TRIM67: variants seen among roughly 807,000 people sequenced by gnomAD.
TRIM67 encodes tripartite motif containing 67, also known as tripartite motif-containing protein 67.
In TRIM67, 39 loss-of-function variants were observed where a neutral mutation model predicts 71.0. The observed-to-expected ratio is 0.55, with a 90% CI of 0.43 to 0.72. TRIM67 has a LOEUF of 0.72. Ranked by LOEUF, TRIM67 falls within the 30% of genes least tolerant of loss-of-function variation. The pLI is 0.00. For synonymous variants in TRIM67, 481 were observed against 473.9 expected, an observed-to-expected ratio of 1.01 and a Z score of -0.19; for missense variants, 973 against 1,079.2, an observed-to-expected ratio of 0.90 and a Z score of 1.38.
At chr1:231,181,834 C>A (rs1044371450) in intron 1 of TRIM67, among the ~76,000 whole-genome samples, 2 of 152,124 alleles carry the variant, frequency 1.3e-5, no homozygotes, top group Non-Finnish European at 2.9e-5. Context: ...CTTTGAACTT[C>A]TTTTCTCTAT....
chr1:231,196,071 T>C (rs1183198369), intron 1 of TRIM67, among the ~76,000 whole-genome samples: 1 of 152,136 alleles, frequency 6.6e-6, no homozygotes, highest in Non-Finnish European at 1.5e-5. Flanking sequence ...TTCTAGGACA[T>C]GGAGATGGAC....
chr1:231,221,144 G>T lies in TRIM67; in HGVS notation c.*5704G>T, dbSNP rs1199298081. ...AGCTGTTGTATTAAGCATGAGAGGT[G>T]TTTGTTTAACGTTGGCAAAGGGATT... On this transcript the variant is annotated 3_prime_UTR_variant, in exon 10 of 10. Transcript: ENST00000366653. 23 of 152,346 alleles carry T rather than the reference G, an allele frequency of 1.5e-4. No homozygotes were observed. Among genetic ancestry groups the T allele is most frequent in the Non-Finnish European group, 1.8e-4 (12 of 68,032 alleles). 9.4% of individuals were successfully genotyped at this position (152,346 alleles called of 1,614,324 possible).
chr1:231,191,733 G>T (rs1683235081), intron 1 of TRIM67, among the ~76,000 whole-genome samples: 1 of 152,188 alleles, frequency 6.6e-6, no homozygotes, highest in South Asian at 2.1e-4. Flanking sequence ...ACCATATGGG[G>T]CTCCATGCCC....
At chr1:231,179,081 G>T (rs1558293585) in intron 1 of TRIM67, among the ~76,000 whole-genome samples, 1 of 152,222 alleles carries the variant, frequency 6.6e-6, no homozygotes. Context: ...ATTACCACAA[G>T]CTGGGTAGCT....
rs1682320089 is a variant in TRIM67, at chr1:231,162,677, AC to A, written c.-291del. ...CATCACCTAAAGCTCCTCGCAGGCC[AC>A]CGCGAGGGCAGCCGACCGGCTCCGG... On this transcript the variant is annotated 5_prime_UTR_variant, in exon 1 of 10. Coordinates refer to ENST00000366653, the MANE Select transcript of TRIM67 (RefSeq NM_001004342.5). 1 of 405,780 alleles carries A rather than the reference AC, an allele frequency of 2.5e-6. No homozygotes were observed. Among genetic ancestry groups the A allele is most frequent in the Non-Finnish European group, 4.4e-6 (1 of 226,080 alleles). 25.1% of individuals were successfully genotyped at this position (405,780 alleles called of 1,614,324 possible). A position where few individuals can be genotyped will look rare whatever the true frequency, so the allele number is the denominator to read the frequency against.
intron 1 of TRIM67, among the ~76,000 whole-genome samples, chr1:231,176,454 G>A (rs1017931775): frequency 5.9e-5 from 9 of 152,182 alleles, no homozygotes; most frequent in Non-Finnish European, 1.3e-4. Flanking sequence ...CTGGGGTCAC[G>A]GATGGTGAGT....
At chr1:231,165,402 T>G (rs927352229) in intron 1 of TRIM67, among the ~76,000 whole-genome samples, 2 of 152,212 alleles carry the variant, frequency 1.3e-5, no homozygotes, top group Non-Finnish European at 2.9e-5. Context: ...TTAAGTATAA[T>G]ACTGTATGTT....
intron 1 of TRIM67, among the ~76,000 whole-genome samples, chr1:231,170,096 C>T (rs1167068330): frequency 1.3e-5 from 2 of 151,404 alleles, no homozygotes; most frequent in Non-Finnish European, 2.9e-5. Context: ...AAGAGATTCT[C>T]CTGCTTCAGC....
chr1:231,212,929 T>C (rs1012270368), intron 8 of TRIM67, among the ~76,000 whole-genome samples: 1 of 152,152 alleles, frequency 6.6e-6, no homozygotes, highest in Non-Finnish European at 1.5e-5. Context: ...CGTTCCGCTA[T>C]TGGTCACCTG....
chr1:231,208,341 T>C (rs1363620394), intron 7 of TRIM67, among the ~76,000 whole-genome samples: 1 of 151,908 alleles, frequency 6.6e-6, no homozygotes, highest in Non-Finnish European at 1.5e-5. Flanking sequence ...GCCCGGCTAA[T>C]TTTTTTGTAT....
chr1:231,168,919 T>C (rs1425070237), intron 1 of TRIM67, among the ~76,000 whole-genome samples: 3 of 152,236 alleles, frequency 2.0e-5, no homozygotes, highest in Non-Finnish European at 2.9e-5. Context: ...TACAACTCTA[T>C]GGCTGATGAT....
chr1:231,217,702 C>G lies in TRIM67; in HGVS notation c.*2262C>G. On this transcript the variant is annotated 3_prime_UTR_variant, in exon 10 of 10. Coordinates refer to ENST00000366653, the MANE Select transcript of TRIM67 (RefSeq NM_001004342.5). ...CTGGGGAAGGCTGTGGAGCCTCCAC[C>G]ATCACCACAGCCCAGGTCACCAGGT... 8.3e-7 allele frequency: 1 copy of G among 1,207,098 alleles called. No individual in the cohort carries two copies. Among genetic ancestry groups the G allele is most frequent in the African/African-American group, 1.6e-5 (1 of 63,672 alleles). 74.8% of individuals were successfully genotyped at this position (1,207,098 alleles called of 1,614,324 possible). A position where few individuals can be genotyped will look rare whatever the true frequency, so the allele number is the denominator to read the frequency against.
At position 231,210,831 on chromosome 1, in the gene TRIM67, G is replaced by A. The variant is rs1337383181; in HGVS notation, c.2123+1581G>A. On this transcript the variant is annotated intron_variant, in intron 8 of 9. Transcript: ENST00000366653. ...GAGGCAGAAGGATTGCTTGAGCCCA[G>A]GTGTTTGAGACCAGCCTGGGCAACT... 2.0e-5 allele frequency among the ~76,000 whole-genome samples: 3 copies of A among 151,760 alleles called. 1 individual carries two copies. Among genetic ancestry groups the A allele is most frequent in the African/African-American group, 7.3e-5 (3 of 41,308 alleles).
intron 2 of TRIM67, among the ~76,000 whole-genome samples, chr1:231,198,155 A>G (rs960162972): frequency 6.6e-6 from 1 of 152,220 alleles, no homozygotes; most frequent in African/African-American, 2.4e-5. Context: ...TCATCAATGC[A>G]TCAAAATATA....
rs1684131680 is a variant in TRIM67, at chr1:231,221,260, C to T, written c.*5820C>T. Reference sequence around the variant, plus strand: ...TTCTTTATCCCCATTTCTCCTCCCTCCCCTTCCCCCATCACATCCACTTTC... The same window carrying T: ...TTCTTTATCCCCATTTCTCCTCCCTTCCCTTCCCCCATCACATCCACTTTC... On this transcript the variant is annotated 3_prime_UTR_variant, in exon 10 of 10. Coordinates refer to ENST00000366653, the MANE Select transcript of TRIM67 (RefSeq NM_001004342.5). 6.6e-6 allele frequency: 1 copy of T among 152,622 alleles called. No individual in the cohort carries two copies. Among genetic ancestry groups the T allele is most frequent in the South Asian group, 2.1e-4 (1 of 4,832 alleles). 9.5% of individuals were successfully genotyped at this position (152,622 alleles called of 1,614,324 possible).
At chr1:231,199,000 C>G (rs1309688862) in intron 2 of TRIM67, 47 bp from the exon 3 acceptor site, 1 of 1,612,830 alleles carries the variant, frequency 6.2e-7, no homozygotes, top group Admixed American at 1.7e-5. Flanking sequence ...AGCATCTTCC[C>G]CCTAAAACTC....
intron 1 of TRIM67, among the ~76,000 whole-genome samples, chr1:231,168,016 C>A (rs746118970): frequency 2.7e-4 from 41 of 151,716 alleles, no homozygotes; most frequent in Admixed American, 3.3e-4. Flanking sequence ...GACTGGAGTG[C>A]AGTGCTGCCA....
Position 231,216,602 on chromosome 1 carries a change from C to T in TRIM67, c.*1162C>T, listed in dbSNP as rs981318571. On this transcript the variant is annotated 3_prime_UTR_variant, in exon 10 of 10. Coordinates refer to ENST00000366653, the MANE Select transcript of TRIM67 (RefSeq NM_001004342.5). ...AAGTGGCCCCTGTGGCAGGCCGGGA[C>T]GGCTCTGCCCTGATGCAGTGGGCGG... 14 of 985,430 alleles carry T rather than the reference C, an allele frequency of 1.4e-5. No homozygotes were observed. The highest frequency in any genetic ancestry group is 9.4e-5 in the South Asian group (2 of 21,296). 61.0% of individuals were successfully genotyped at this position (985,430 alleles called of 1,614,324 possible). A position where few individuals can be genotyped will look rare whatever the true frequency, so the allele number is the denominator to read the frequency against.
At position 231,162,371 on chromosome 1, in the gene TRIM67, G is replaced by A. The variant is rs1682309381; in HGVS notation, c.-599G>A. The stretch of plus-strand genomic sequence containing the variant: ...CAGCGACCCGGCGGGTGGCGGCCCA[G>A]GGGTCGGCGAGCAGGCAGCTGGAGC... On this transcript the variant is annotated 5_prime_UTR_variant, in exon 1 of 10. Coordinates refer to ENST00000366653, the MANE Select transcript of TRIM67 (RefSeq NM_001004342.5). The A allele has an allele frequency of 6.6e-6, 1 of 152,238 alleles. No homozygotes were observed. The highest frequency in any genetic ancestry group is 1.5e-5 in the Non-Finnish European group (1 of 68,072). The allele number at this position is 152,238 out of a possible 1,614,324, so 9.4% of individuals were successfully genotyped here. A position where few individuals can be genotyped will look rare whatever the true frequency, so the allele number is the denominator to read the frequency against.
Sources: allele counts gnomAD v4.1 joint callset (sites outside exome capture counted in the v4.1 genomes callset), GRCh38; gene constraint gnomAD v4.1.1; transcripts MANE v1.5; gene names NCBI Gene and HGNC (gene_info 2026-07-23, HGNC 2026-07-21).